Variants in CNR1 observed in about 807,000 individuals in gnomAD.
The protein encoded by CNR1 is cannabinoid receptor 1, also known as cannabinoid receptor 1 (brain).
CNR1 carries 10 observed loss-of-function variants against 23.0 expected under a neutral mutation model. The observed-to-expected ratio is 0.43, with a 90% CI of 0.27 to 0.74. CNR1 has a LOEUF of 0.74. Ranked by LOEUF, CNR1 falls within the 30% of genes least tolerant of loss-of-function variation. The pLI, the probability that CNR1 is intolerant of heterozygous loss-of-function variation, is 0.19. For synonymous variants in CNR1, 271 were observed against 255.2 expected, an observed-to-expected ratio of 1.06 and a Z score of -0.59; for missense variants, 422 against 618.8, an observed-to-expected ratio of 0.68 and a Z score of 3.37.
At chr6:88,148,271 A>G (rs1777316021) in intron 1 of CNR1, among the ~76,000 whole-genome samples, 1 of 152,184 alleles carries the variant, frequency 6.6e-6, no homozygotes, top group Non-Finnish European at 1.5e-5. Flanking sequence ...GGGCTCCCAG[A>G]ATACCCAAAC....
chr6:88,166,852 C>T (rs1301702412), upstream of CNR1, among the ~76,000 whole-genome samples: 1 of 151,958 alleles, frequency 6.6e-6, no homozygotes, highest in Non-Finnish European at 1.5e-5. Flanking sequence ...GGGGTGCGGT[C>T]TCGCGCCCCC....
intron 1 of CNR1, among the ~76,000 whole-genome samples, chr6:88,156,976 TTA>T (rs967318809): frequency 3.9e-5 from 6 of 152,168 alleles, no homozygotes; most frequent in African/African-American, 1.4e-4. Context: ...CACATAGAAA[TTA>T]TATTGATGGC....
Position 88,144,368 on chromosome 6 carries a change from T to C in CNR1, c.907A>G (p.Ser303Gly). 6.2e-7 allele frequency: 1 copy of C among 1,613,976 alleles called. No individual in the cohort carries two copies. Among genetic ancestry groups the C allele is most frequent in the Non-Finnish European group, 8.5e-7 (1 of 1,180,016 alleles). The change falls in exon 2 of 2, where the codon AGC (serine) becomes GGC (glycine). Residue 303 changes from serine to glycine, a missense_variant. Physicochemically the swap from Ser to Gly is moderately conservative, Grantham distance 56 (BLOSUM62 0). This residue lies in a region of CNR1 where 211 missense variants were observed against 357.3 expected (regional missense o/e 0.59). Coordinates refer to ENST00000369501, the MANE Select transcript of CNR1 (RefSeq NM_016083.6). The surrounding 1 kb of genome is among the most constrained non-coding windows in gnomAD (Gnocchi z 7.8). ...AYMYILWKAHSHAVRMIQRGT... is the reference protein window; with the variant it reads ...AYMYILWKAHGHAVRMIQRGT... Reference sequence around the variant, plus strand: ...CGCTGAATCATGCGGACGGCGTGGCTGTGAGCCTTCCAGAGAATATACATG... The same window carrying C: ...CGCTGAATCATGCGGACGGCGTGGCCGTGAGCCTTCCAGAGAATATACATG...
In CNR1 at chr6:88,143,869, G is replaced by A; in HGVS notation, c.1406C>T (p.Ala469Val). Residue 469 changes from alanine to valine, a missense_variant, in exon 2 of 2, where the codon GCC becomes GTC. Around this residue, in one of 4 missense-constraint regions of CNR1, gnomAD observed 79 missense variants for 98.0 expected, o/e 0.81. Coordinates refer to ENST00000369501, the MANE Select transcript of CNR1 (RefSeq NM_016083.6). ...VTMSVSTDTS[A>V]EAL is the part of the protein sequence containing the mutation. ...GAGGCATCAGGCTCACAGAGCCTCG[G>A]CAGACGTGTCTGTGGACACAGACAT... 1 of 1,613,284 alleles carries A rather than the reference G, an allele frequency of 6.2e-7. No individual in the cohort carries two copies. The highest frequency in any genetic ancestry group is 8.5e-7 in the Non-Finnish European group (1 of 1,179,360).
chr6:88,144,718 C>A lies in CNR1; in HGVS notation c.557G>T (p.Arg186Leu), dbSNP rs771076412. 1.2e-6 allele frequency: 2 copies of A among 1,614,110 alleles called. No individual in the cohort carries two copies. Among genetic ancestry groups the A allele is most frequent in the Non-Finnish European group, 1.7e-6 (2 of 1,180,010 alleles). Residue 186 changes from arginine to leucine, a missense_variant, in exon 2 of 2, where the codon CGC (arginine) becomes CTC (leucine). By Grantham distance (102) the Arg-to-Leu change is moderately radical (BLOSUM62 -2). Coordinates refer to ENST00000369501, the MANE Select transcript of CNR1 (RefSeq NM_016083.6). The surrounding 1 kb of genome is among the most constrained non-coding windows in gnomAD (Gnocchi z 7.8). ...ACCCAGTTTGAACAGAAACACGTTG[C>A]GGCTATCTTTGCGGTGGAACACGTG... ...DFHVFHRKDS[R>L]NVFLFKLGGV...
chr6:88,164,876 A>G (rs909714802), intron 1 of CNR1, among the ~76,000 whole-genome samples: 1 of 152,226 alleles, frequency 6.6e-6, no homozygotes. Context: ...ACCCACAGAG[A>G]TATCTTTCAA....
In CNR1 at chr6:88,143,723, A is replaced by T; in HGVS notation, c.*133T>A. On this transcript the variant is annotated 3_prime_UTR_variant, in exon 2 of 2. Transcript: ENST00000369501. ...GGAAACATTAGCAAACTGATAAGTG[A>T]TCATGGTGACAATCACCTTTTCATT... 1.4e-6 allele frequency: 1 copy of T among 697,410 alleles called. No individual in the cohort carries two copies. Among genetic ancestry groups the T allele is most frequent in the South Asian group, 1.8e-5 (1 of 56,216 alleles). The allele number at this position is 697,410 out of a possible 1,614,324, so 43.2% of individuals were successfully genotyped here. A position where few individuals can be genotyped will look rare whatever the true frequency, so the allele number is the denominator to read the frequency against.
chr6:88,159,280 TA>T (rs1777961433), intron 1 of CNR1, among the ~76,000 whole-genome samples: 1 of 152,204 alleles, frequency 6.6e-6, no homozygotes, highest in Non-Finnish European at 1.5e-5. Flanking sequence ...TACTACATCT[TA>T]AGAGATGAAC....
intron 1 of CNR1, among the ~76,000 whole-genome samples, chr6:88,158,392 G>T (rs565299378): frequency 6.6e-6 from 1 of 152,298 alleles, no homozygotes; most frequent in African/African-American, 2.4e-5. Context: ...AAATAAGACA[G>T]GTACCAACGG....
In CNR1 at chr6:88,166,015, A is replaced by T. The variant is rs955257637; in HGVS notation, c.-276T>A. 4 of 152,842 alleles carry T rather than the reference A, an allele frequency of 2.6e-5. No individual in the cohort carries two copies. Among genetic ancestry groups the T allele is most frequent in the African/African-American group, 9.6e-5 (4 of 41,580 alleles). 9.5% of individuals were successfully genotyped at this position (152,842 alleles called of 1,614,324 possible). A position where few individuals can be genotyped will look rare whatever the true frequency, so the allele number is the denominator to read the frequency against. On this transcript the variant is annotated 5_prime_UTR_variant, in exon 1 of 2. Coordinates refer to ENST00000369501, the MANE Select transcript of CNR1 (RefSeq NM_016083.6). The stretch of plus-strand genomic sequence containing the variant: ...AAGAAGTGGAGAAGGAAGGGGTGGC[A>T]GAGGGAGTAGCGTGCGGGAGGCGGC...
chr6:88,151,493 G>A (rs1347471715), intron 1 of CNR1, among the ~76,000 whole-genome samples: 1 of 152,166 alleles, frequency 6.6e-6, no homozygotes, highest in Non-Finnish European at 1.5e-5. Context: ...GTAAAATGGG[G>A]ATGAGGATGA....
chr6:88,152,236 A>G (rs1777566761), intron 1 of CNR1, among the ~76,000 whole-genome samples: 1 of 149,636 alleles, frequency 6.7e-6, no homozygotes, highest in African/African-American at 2.5e-5. Context: ...AAAAAAAAAA[A>G]GAAATGTAAA....
chr6:88,148,739 G>T (rs1777350067), intron 1 of CNR1, among the ~76,000 whole-genome samples: 1 of 152,154 alleles, frequency 6.6e-6, no homozygotes, highest in South Asian at 2.1e-4. Context: ...TTTGGCTACA[G>T]AGAGGCAAAC....
In CNR1 at chr6:88,159,552, T is replaced by C. The variant is rs34186373; in HGVS notation, c.-64+6251A>G. On this transcript the variant is annotated intron_variant, in intron 1 of 1. Transcript: ENST00000369501. Reference sequence around the variant, plus strand: ...CACAGATTACTCACAATTAGTTACTTTAGCTGAGGACTAAAATAATTCAAA... The same window carrying C: ...CACAGATTACTCACAATTAGTTACTCTAGCTGAGGACTAAAATAATTCAAA... 6.5e-3 allele frequency among the ~76,000 whole-genome samples: 983 copies of C among 152,344 alleles called. 7 individuals carry two copies. The highest frequency in any genetic ancestry group is 9.0e-3 in the Non-Finnish European group (615 of 68,030).
In CNR1 at chr6:88,144,125, T is replaced by C. The variant is rs1161575585; in HGVS notation, c.1150A>G (p.Met384Val). 3 of 1,613,898 alleles carry C rather than the reference T, an allele frequency of 1.9e-6. No individual in the cohort carries two copies. Among genetic ancestry groups the C allele is most frequent in the Non-Finnish European group, 2.5e-6 (3 of 1,180,012 alleles). ...LIKTVFAFCS[M>V]LCLLNSTVNP... ...ACGGTGGAGTTCAGCAGGCAGAGCA[T>C]ACTGCAGAATGCAAACACCGTCTTA... Residue 384 changes from methionine (M) to valine (V), a missense_variant, in exon 2 of 2, where the codon ATG (methionine) becomes GTG (valine). Physicochemically the swap from Met to Val is conservative, Grantham distance 21. Coordinates refer to ENST00000369501, the MANE Select transcript of CNR1 (RefSeq NM_016083.6). This position sits in a 1 kb window ranked among gnomAD's most constrained non-coding sequence, Gnocchi z 7.8.
Position 88,141,098 on chromosome 6 carries a change from A to G in CNR1, c.*2758T>C, listed in dbSNP as rs781424346. 1 of 152,290 alleles carries G rather than the reference A, an allele frequency of 6.6e-6. No homozygotes were observed. The highest frequency in any genetic ancestry group is 1.5e-5 in the Non-Finnish European group (1 of 68,034). 9.4% of individuals were successfully genotyped at this position (152,290 alleles called of 1,614,324 possible). On this transcript the variant is annotated 3_prime_UTR_variant, in exon 2 of 2. Coordinates refer to ENST00000369501, the MANE Select transcript of CNR1 (RefSeq NM_016083.6). The stretch of plus-strand genomic sequence containing the variant: ...GATACCTCTGATGTCAGACCTTATA[A>G]AACTTACTTAAATTTAAATCATTTA...
upstream of CNR1, chr6:88,166,474 G>T (rs2127776104): frequency 6.5e-6 from 1 of 152,692 alleles, no homozygotes; most frequent in African/African-American, 2.4e-5. Context: ...AGGGACCTGA[G>T]CGCAGCGCCC....
chr6:88,148,918 C>T (rs1478768570), intron 1 of CNR1, among the ~76,000 whole-genome samples: 2 of 152,170 alleles, frequency 1.3e-5, no homozygotes, highest in South Asian at 2.1e-4. Flanking sequence ...CTGAGGGCCC[C>T]GAATCTCCCA....
At chr6:88,148,680 A>G (rs1035883211) in intron 1 of CNR1, among the ~76,000 whole-genome samples, 2 of 152,232 alleles carry the variant, frequency 1.3e-5, no homozygotes, top group African/African-American at 2.4e-5. Flanking sequence ...CTGCCTATAT[A>G]ATTATCTAGT....
Sources: gnomAD v4.1 joint callset for allele counts (sites outside exome capture counted in the v4.1 genomes callset) on GRCh38, gnomAD v4.1.1 for gene constraint, gnomAD v4.1.1 regional missense constraint, Gnocchi (gnomAD v3.1) non-coding constraint, MANE v1.5 for transcripts, NCBI Gene and HGNC (gene_info 2026-07-23, HGNC 2026-07-21) for gene names.